Variants in TDRD9 observed in about 807,000 individuals in gnomAD.
TDRD9 encodes tudor domain containing 9, also known as ATP-dependent RNA helicase TDRD9.
In TDRD9, 124 loss-of-function variants were observed where a neutral mutation model predicts 172.6. That is an observed-to-expected ratio of 0.72 (90% CI 0.62 to 0.83). The LOEUF is 0.83. Among genes scored for constraint, TDRD9 ranks in the 40% least tolerant of loss-of-function variants. The pLI, the probability that TDRD9 is intolerant of heterozygous loss-of-function variation, is 0.00. For synonymous variants in TDRD9, 619 were observed against 617.1 expected (o/e 1.00, Z -0.05); for missense variants, 1,479 against 1,714.1 (o/e 0.86, Z 2.42).
intron 2 of TDRD9, among the ~76,000 whole-genome samples, chr14:103,960,455 A>G (rs556224865): frequency 6.6e-6 from 1 of 152,264 alleles, no homozygotes; most frequent in African/African-American, 2.4e-5. Flanking sequence ...CAAGAAAATA[A>G]GAATAGTCAA....
chr14:104,007,158 A>G lies in TDRD9; in HGVS notation c.2008-2A>G. 1 of 1,613,306 alleles carries G rather than the reference A, an allele frequency of 6.2e-7. No homozygotes were observed. Among genetic ancestry groups the G allele is most frequent in the East Asian group, 2.2e-5 (1 of 44,878 alleles). On this transcript the variant is annotated splice_acceptor_variant, in intron 18 of 35. Transcript: ENST00000409874. LOFTEE classifies it high-confidence loss of function. Reference sequence around the variant, plus strand: ...TTGAAAGTTTGGATCCTTTATTTTCAGACATGGAAGGCTTGCAGACAGACA... The same window carrying G: ...TTGAAAGTTTGGATCCTTTATTTTCGGACATGGAAGGCTTGCAGACAGACA...
intron 6 of TDRD9, among the ~76,000 whole-genome samples, chr14:103,972,085 T>G (rs1403662851): frequency 6.6e-6 from 1 of 151,664 alleles, no homozygotes. Flanking sequence ...GCCTGGGAGG[T>G]CCAGGCTGCA....
intron 1 of TDRD9, among the ~76,000 whole-genome samples, chr14:103,953,721 G>A (rs1032886516): frequency 2.6e-5 from 4 of 152,118 alleles, no homozygotes; most frequent in African/African-American, 7.2e-5. Flanking sequence ...TGTGAATCTC[G>A]GAGCCTGAGG....
intron 4 of TDRD9, among the ~76,000 whole-genome samples, chr14:103,965,755 G>T (rs1253102937): frequency 2.0e-5 from 3 of 152,076 alleles, no homozygotes; most frequent in East Asian, 3.9e-4. Context: ...GAGCAGCCTG[G>T]CCAACATGGT....
intron 1 of TDRD9, among the ~76,000 whole-genome samples, chr14:103,949,758 C>T (rs1401742993): frequency 1.3e-5 from 2 of 152,194 alleles, no homozygotes; most frequent in Non-Finnish European, 2.9e-5. Flanking sequence ...CGGCTCACTG[C>T]AACATCCGCC....
chr14:103,999,476 G>A (rs2034177577), intron 13 of TDRD9, among the ~76,000 whole-genome samples: 1 of 152,150 alleles, frequency 6.6e-6, no homozygotes, highest in South Asian at 2.1e-4. Context: ...GCAGAGATGA[G>A]GGTGTGTGGG....
intron 1 of TDRD9, among the ~76,000 whole-genome samples, chr14:103,952,096 AGTT>A (rs1382833680): frequency 6.8e-6 from 1 of 147,888 alleles, no homozygotes; most frequent in African/African-American, 2.5e-5. Flanking sequence ...TAAAAAAAGT[AGTT>A]AAGATGGCAA....
chr14:103,963,062 G>C lies in TDRD9; in HGVS notation c.323-17G>C. 6.8e-7 allele frequency: 1 copy of C among 1,469,276 alleles called. No individual in the cohort carries two copies. 91.0% of individuals were successfully genotyped at this position (1,469,276 alleles called of 1,614,324 possible). A position where few individuals can be genotyped will look rare whatever the true frequency, so the allele number is the denominator to read the frequency against. On this transcript the variant is annotated splice_polypyrimidine_tract_variant and intron_variant, in intron 2 of 35. Transcript: ENST00000409874. ...ATAAGAAATGGCATTGTATTTGTTT[G>C]TTTTGCCTTAATCCAGGTCCAAGGC...
At chr14:103,933,826 G>A (rs2030566264) in intron 1 of TDRD9, among the ~76,000 whole-genome samples, 1 of 152,220 alleles carries the variant, frequency 6.6e-6, no homozygotes, top group African/African-American at 2.4e-5. Flanking sequence ...GACAGATGGG[G>A]GAAGTTAAGA....
intron 31 of TDRD9, among the ~76,000 whole-genome samples, chr14:104,034,756 G>A (rs1421579992): frequency 2.0e-5 from 3 of 152,204 alleles, no homozygotes; most frequent in Non-Finnish European, 4.4e-5. Flanking sequence ...AAAAGCTTAC[G>A]CATCATAGCG....
chr14:103,963,691 G>A (rs1002376534), intron 3 of TDRD9, among the ~76,000 whole-genome samples: 6 of 152,166 alleles, frequency 3.9e-5, no homozygotes, highest in Non-Finnish European at 5.9e-5. Flanking sequence ...AATTACTTGC[G>A]TGTTATTAAG....
At chr14:103,933,392 A>G (rs2030534427) in intron 1 of TDRD9, among the ~76,000 whole-genome samples, 1 of 152,214 alleles carries the variant, frequency 6.6e-6, no homozygotes, top group Admixed American at 6.5e-5. Flanking sequence ...CTCCTGGCTC[A>G]TGAAGATCTT....
intron 4 of TDRD9, among the ~76,000 whole-genome samples, chr14:103,966,262 C>T (rs2032742324): frequency 6.6e-6 from 1 of 152,144 alleles, no homozygotes; most frequent in Admixed American, 6.5e-5. Flanking sequence ...ACCCGGGAGG[C>T]AGAGGTTGCA....
intron 30 of TDRD9, among the ~76,000 whole-genome samples, chr14:104,032,328 T>C (rs2035309375): frequency 6.6e-6 from 1 of 152,140 alleles, no homozygotes; most frequent in African/African-American, 2.4e-5. Flanking sequence ...TGCCTCAGCC[T>C]CCTGAGTAGC....
At position 104,034,993 on chromosome 14, in the gene TDRD9, T is replaced by TG; in HGVS notation, c.3654dup (p.Pro1219AlafsTer23). 6.4e-7 allele frequency: 1 copy of TG among 1,551,840 alleles called. No homozygotes were observed. Among genetic ancestry groups the TG allele is most frequent in the Non-Finnish European group, 8.7e-7 (1 of 1,146,996 alleles). ...ATGCTGCTGAGAGAAACCTCTCTGA[T>TG]GCCTCATATCCCTGGCCTCCCGGCT... On this transcript the variant is annotated frameshift_variant, in exon 32 of 36. Coordinates refer to ENST00000409874, the MANE Select transcript of TDRD9 (RefSeq NM_153046.3). LOFTEE classifies it high-confidence loss of function.
intron 2 of TDRD9, among the ~76,000 whole-genome samples, chr14:103,960,411 A>T (rs1470123338): frequency 2.0e-5 from 3 of 152,234 alleles, no homozygotes; most frequent in Non-Finnish European, 4.4e-5. Context: ...CATGTAAAAC[A>T]TTGTGTTGTT....
Position 103,965,460 on chromosome 14 carries a change from T to C in TDRD9, c.548T>C (p.Val183Ala), listed in dbSNP as rs2032696979. 6.5e-7 allele frequency: 1 copy of C among 1,550,230 alleles called. No individual in the cohort carries two copies. The highest frequency in any genetic ancestry group is 8.7e-7 in the Non-Finnish European group (1 of 1,146,720). The change falls in exon 4 of 36, where the codon GTG becomes GCG. Residue 183 changes from valine (V) to alanine (A), a missense_variant. Val to Ala is a moderately conservative substitution (Grantham distance 64, BLOSUM62 0). This residue lies in a region of TDRD9 where 1,413 missense variants were observed against 1,649.1 expected (regional missense o/e 0.86). Transcript: ENST00000409874. ...YVQRSAYCSI[V>A]VTQPRKIGAS... ...CAGCGCTCCGCCTACTGCAGCATTG[T>C]GGTCACCCAGCCCCGGAAGATAGGG...
At chr14:103,947,548 G>T (rs7144813) in intron 1 of TDRD9, among the ~76,000 whole-genome samples, 16 of 151,738 alleles carry the variant, frequency 1.1e-4, no homozygotes, top group African/African-American at 1.5e-4. Flanking sequence ...CAGATGGTCT[G>T]GATCTCCTGA....
At chr14:104,025,512 C>T (rs981690104) in intron 25 of TDRD9, 52 bp from the exon 26 acceptor site, 167 of 1,485,544 alleles carry the variant, frequency 1.1e-4, no homozygotes, top group Non-Finnish European at 1.5e-4. Flanking sequence ...CATTTTCCTC[C>T]TTACAAAAGT....
Sources: gnomAD v4.1 joint callset for allele counts (sites outside exome capture counted in the v4.1 genomes callset) on GRCh38, gnomAD v4.1.1 for gene constraint, gnomAD v4.1.1 regional missense constraint, MANE v1.5 for transcripts, NCBI Gene and HGNC (gene_info 2026-07-23, HGNC 2026-07-21) for gene names.